The following DTHD1 variants were observed in gnomAD, a reference collection of about 807,000 sequenced individuals.
The protein encoded by DTHD1 is death domain containing 1.
DTHD1 carries 59 observed loss-of-function variants against 74.8 expected under a neutral mutation model. The observed-to-expected ratio is 0.79, with a 90% CI of 0.64 to 0.98. DTHD1 has a LOEUF of 0.98. Among genes scored for constraint, DTHD1 ranks in the 50% least tolerant of loss-of-function variants. The pLI is 0.00. For synonymous variants in DTHD1, 365 were observed against 371.1 expected (o/e 0.98, Z 0.19); for missense variants, 1,051 against 1,065.4 (o/e 0.99, Z 0.19).
intron 5 of DTHD1, among the ~76,000 whole-genome samples, chr4:36,300,128 G>A (rs566784443): frequency 3.3e-4 from 50 of 152,224 alleles, no homozygotes; most frequent in Middle Eastern, 3.4e-3. Flanking sequence ...GTCTTTGGGC[G>A]TGTTTATATC....
intron 7 of DTHD1, among the ~76,000 whole-genome samples, chr4:36,310,417 C>G (rs916210269): frequency 1.3e-5 from 2 of 152,126 alleles, no homozygotes; most frequent in African/African-American, 4.8e-5. Context: ...TTTCATTAAG[C>G]CAACACCTTC....
intron 2 of DTHD1, among the ~76,000 whole-genome samples, chr4:36,286,639 G>A (rs1235567768): frequency 6.6e-6 from 1 of 152,218 alleles, no homozygotes; most frequent in Non-Finnish European, 1.5e-5. Flanking sequence ...GAAATGGATG[G>A]TTGGGTGATT....
chr4:36,315,997 G>A (rs185782657), intron 7 of DTHD1, among the ~76,000 whole-genome samples: 2 of 152,134 alleles, frequency 1.3e-5, no homozygotes, highest in Non-Finnish European at 2.9e-5. Context: ...GTGCAGTGGC[G>A]TGATCTCCGC....
Position 36,308,361 on chromosome 4 carries a change from A to G in DTHD1, c.1963A>G (p.Lys655Glu). 6.4e-7 allele frequency: 1 copy of G among 1,551,846 alleles called. No individual in the cohort carries two copies. Among genetic ancestry groups the G allele is most frequent in the Non-Finnish European group, 8.7e-7 (1 of 1,147,024 alleles). The change falls in exon 7 of 10, where the codon AAA becomes GAA. Residue 655 changes from lysine to glutamate, a missense_variant. Lys to Glu is a moderately conservative substitution (Grantham distance 56, BLOSUM62 1). Transcript: ENST00000639862. ...HRIAVLVVPSKDLSQVLKDLH... is the reference protein window; with the variant it reads ...HRIAVLVVPSEDLSQVLKDLH... ...AATAGCTGTTTTAGTGGTGCCTTCC[A>G]AAGATTTAAGCCAGGTGCTTAAGGA...
chr4:36,284,570 A>G lies in DTHD1; in HGVS notation c.866A>G (p.Lys289Arg), dbSNP rs1469456443. ...AATGATTCAGAGAATATAAAGCACA[A>G]GAATAACATAATGGAAAAGGAGTAA... Reference protein sequence around the residue: ...LPNDSENIKHKNNIMEKEYLD... With the variant: ...LPNDSENIKHRNNIMEKEYLD... The change falls in exon 2 of 10, where the codon AAG becomes AGG. Residue 289 changes from lysine to arginine, a missense_variant. By Grantham distance (26) the Lys-to-Arg change is conservative. Coordinates refer to ENST00000639862, the MANE Select transcript of DTHD1 (RefSeq NM_001170700.3). 4.6e-6 allele frequency: 7 copies of G among 1,519,040 alleles called. No individual in the cohort carries two copies. The highest frequency in any genetic ancestry group is 6.1e-6 in the Non-Finnish European group (7 of 1,140,070). 94.1% of individuals were successfully genotyped at this position (1,519,040 alleles called of 1,614,324 possible).
chr4:36,326,034 C>T (rs1758323331), intron 8 of DTHD1, among the ~76,000 whole-genome samples: 1 of 152,142 alleles, frequency 6.6e-6, no homozygotes, highest in Admixed American at 6.5e-5. Flanking sequence ...ATTGCAAACT[C>T]CCACAGCTCA....
Position 36,343,582 on chromosome 4 carries a change from C to G in DTHD1, c.2479C>G (p.Pro827Ala). ...TGCTGAGTCTCTTTCCTCAACTCTCCCTCTGCGCCGTAGCACCATTCAGCT... is the reference window on the plus strand; with the variant it reads ...TGCTGAGTCTCTTTCCTCAACTCTCGCTCTGCGCCGTAGCACCATTCAGCT... The part of the protein sequence containing the change: ...ENAESLSSTL[P>A]LRRSTIQLIK... The change falls in exon 10 of 10, where the codon CCT (proline) becomes GCT (alanine). Residue 827 changes from proline (P) to alanine (A), a missense_variant. Transcript: ENST00000639862. The G allele has an allele frequency of 6.4e-7, 1 of 1,551,694 alleles. No homozygotes were observed. Among genetic ancestry groups the G allele is most frequent in the Non-Finnish European group, 8.7e-7 (1 of 1,146,956 alleles).
At chr4:36,308,776 T>C (rs1757209818) in intron 7 of DTHD1, among the ~76,000 whole-genome samples, 1 of 152,210 alleles carries the variant, frequency 6.6e-6, no homozygotes, top group Non-Finnish European at 1.5e-5. Flanking sequence ...GATTATCTCT[T>C]TCCTACAGGA....
chr4:36,297,005 T>G (rs1311608409), intron 5 of DTHD1, among the ~76,000 whole-genome samples: 2 of 152,210 alleles, frequency 1.3e-5, no homozygotes, highest in Non-Finnish European at 2.9e-5. Flanking sequence ...ATACTGCTTC[T>G]TATAATAAAA....
At chr4:36,311,391 C>A (rs1231772524) in intron 7 of DTHD1, 2 of 152,240 alleles carry the variant, frequency 1.3e-5, no homozygotes, top group East Asian at 3.9e-4. Flanking sequence ...TTATCAGGGC[C>A]TAGCGTAGTC....
At chr4:36,322,463 G>T (rs1457359673) in intron 8 of DTHD1, among the ~76,000 whole-genome samples, 1 of 152,162 alleles carries the variant, frequency 6.6e-6, no homozygotes, top group Non-Finnish European at 1.5e-5. Context: ...AGACCTCACT[G>T]TGGAGGGGAC....
chr4:36,335,195 G>A (rs1758939214), intron 8 of DTHD1, among the ~76,000 whole-genome samples: 1 of 152,108 alleles, frequency 6.6e-6, no homozygotes, highest in African/African-American at 2.4e-5. Context: ...TTTAAATCGA[G>A]AGACGATATC....
chr4:36,286,936 C>T (rs1416131051), intron 2 of DTHD1, among the ~76,000 whole-genome samples: 2 of 151,844 alleles, frequency 1.3e-5, no homozygotes, highest in Non-Finnish European at 2.9e-5. Context: ...GTTCTATATA[C>T]CTGTATTTTA....
At chr4:36,285,634 G>A (rs1233223684) in intron 2 of DTHD1, among the ~76,000 whole-genome samples, 2 of 100,662 alleles carry the variant, frequency 2.0e-5, no homozygotes, top group Non-Finnish European at 4.0e-5. Flanking sequence ...AACATAACAC[G>A]CTTAGAAGTG....
intron 8 of DTHD1, among the ~76,000 whole-genome samples, chr4:36,337,633 G>A (rs1340818431): frequency 2.0e-5 from 3 of 152,138 alleles, no homozygotes; most frequent in Non-Finnish European, 4.4e-5. Context: ...CAGTATAATA[G>A]CATACTTCAA....
intron 9 of DTHD1, among the ~76,000 whole-genome samples, chr4:36,340,313 T>C (rs557243368): frequency 6.6e-6 from 1 of 152,340 alleles, no homozygotes; most frequent in African/African-American, 2.4e-5. Flanking sequence ...CAAATTAGAC[T>C]TTCAGGTGAA....
intron 5 of DTHD1, among the ~76,000 whole-genome samples, chr4:36,300,641 T>TCTAAATTTGTTATA (rs1756707995): frequency 6.6e-6 from 1 of 152,230 alleles, no homozygotes; most frequent in Non-Finnish European, 1.5e-5. Context: ...TAAAGATTAT[T>TCTAAATTTGTTATA]CTAAATTTGT....
chr4:36,328,836 AT>A (rs1218362334), intron 8 of DTHD1, among the ~76,000 whole-genome samples: 3 of 151,922 alleles, frequency 2.0e-5, no homozygotes, highest in Non-Finnish European at 2.9e-5. Context: ...CTGACTCAAT[AT>A]TTTTTTTCTT....
At chr4:36,283,244 A>G (rs1755500220) in intron 1 of DTHD1, among the ~76,000 whole-genome samples, 1 of 152,226 alleles carries the variant, frequency 6.6e-6, no homozygotes, top group Non-Finnish European at 1.5e-5. Context: ...AAGAATGATG[A>G]CGGAGTGAGA....
Sources: gnomAD v4.1 joint callset for allele counts (sites outside exome capture counted in the v4.1 genomes callset) on GRCh38, gnomAD v4.1.1 for gene constraint, MANE v1.5 for transcripts, NCBI Gene and HGNC (gene_info 2026-07-23, HGNC 2026-07-21) for gene names.